KRABD4: variants seen among roughly 807,000 people sequenced by gnomAD.
KRABD4 encodes the protein KRAB domain-containing protein 4.
the KRABD4 span, chrX:46,462,914 G>A: frequency 2.2e-4 from 267 of 1,202,584 alleles, no homozygotes; most frequent in African/African-American, 1.1e-3. Flanking sequence ...AATGCCTCCA[G>A]TACTGTGTTT....
At chrX:46,460,695 C>T in the KRABD4 span, among the ~76,000 whole-genome samples, 2 of 100,104 alleles carry the variant, frequency 2.0e-5, no homozygotes, top group Non-Finnish European at 3.9e-5. Context: ...AGTCTTGGCT[C>T]ACTGCAGGCC....
At chrX:46,450,337 C>T in the KRABD4 span, 6 of 493,142 alleles carry the variant, frequency 1.2e-5, no homozygotes, top group Admixed American at 3.6e-5. Context: ...TTAGATCACT[C>T]TCCCTAGGGT....
chrX:46,462,130 A>G, the KRABD4 span, among the ~76,000 whole-genome samples: 1 of 112,171 alleles, frequency 8.9e-6, no homozygotes, highest in Non-Finnish European at 1.9e-5. Context: ...TGTTTCTCCT[A>G]TAAAGTTCAA....
chrX:46,472,056 C>G, the KRABD4 span: 1 of 111,773 alleles, frequency 8.9e-6, no homozygotes, highest in African/African-American at 3.3e-5. Flanking sequence ...ATTCTGTGTA[C>G]CCTAAGCTAT....
chrX:46,462,194 G>C, the KRABD4 span, among the ~76,000 whole-genome samples: 1 of 112,146 alleles, frequency 8.9e-6, no homozygotes, highest in East Asian at 2.8e-4. Context: ...AAACTGACTA[G>C]TGACTGGCAT....
the KRABD4 span, among the ~76,000 whole-genome samples, chrX:46,453,299 C>A: frequency 1.8e-5 from 2 of 111,752 alleles, no homozygotes; most frequent in Non-Finnish European, 3.8e-5. Flanking sequence ...ACGGTGGCAC[C>A]GTTGAGTCTC....
the KRABD4 span, among the ~76,000 whole-genome samples, chrX:46,463,669 T>C: frequency 1.8e-5 from 2 of 111,949 alleles, no homozygotes; most frequent in Non-Finnish European, 3.8e-5. Flanking sequence ...CCATAGTAGA[T>C]GTATTAATAG....
chrX:46,473,438 G>A, the KRABD4 span: 2 of 1,129,205 alleles, frequency 1.8e-6, no homozygotes, highest in African/African-American at 1.8e-5. Context: ...GTGTCTGTGA[G>A]AAAGCCTTCA....
At chrX:46,462,522 A>G in the KRABD4 span, 11 of 461,822 alleles carry the variant, frequency 2.4e-5, no homozygotes, top group African/African-American at 2.7e-4. Context: ...AAAAAAAAAA[A>G]GAAAGAAAGG....
At chrX:46,464,754 C>T in the KRABD4 span, among the ~76,000 whole-genome samples, 1 of 112,435 alleles carries the variant, frequency 8.9e-6, no homozygotes, top group African/African-American at 3.2e-5. Flanking sequence ...CATTTCAGTG[C>T]TATCCCAGAA....
the KRABD4 span, among the ~76,000 whole-genome samples, chrX:46,451,552 T>A: frequency 8.9e-6 from 1 of 112,298 alleles, no homozygotes; most frequent in Non-Finnish European, 1.9e-5. Flanking sequence ...TCTCTGTATC[T>A]ACTTGCTCTG....
the KRABD4 span, chrX:46,454,265 C>A: frequency 6.7e-6 from 1 of 148,287 alleles, no homozygotes; most frequent in South Asian, 1.8e-4. Context: ...GAATGGAAGT[C>A]TGTAAGGACT....
At chrX:46,462,682 G>T in the KRABD4 span, 7 of 1,210,073 alleles carry the variant, frequency 5.8e-6, no homozygotes, top group Non-Finnish European at 7.8e-6. Context: ...CTCCGTGTGC[G>T]TGAGATGCCA....
the KRABD4 span, among the ~76,000 whole-genome samples, chrX:46,469,353 T>A: frequency 8.9e-6 from 1 of 112,587 alleles, no homozygotes; most frequent in African/African-American, 3.2e-5. Context: ...CTTTTAAATT[T>A]TATTTCAGTA....
the KRABD4 span, among the ~76,000 whole-genome samples, chrX:46,462,289 A>C: frequency 9.0e-6 from 1 of 111,499 alleles, no homozygotes; most frequent in African/African-American, 3.3e-5. Context: ...AGGCGGGCAG[A>C]TCACAAGGTC....
the KRABD4 span, among the ~76,000 whole-genome samples, chrX:46,454,739 C>T: frequency 8.9e-6 from 1 of 111,807 alleles, no homozygotes; most frequent in Non-Finnish European, 1.9e-5. Context: ...GCAGAGGTTG[C>T]AGTGAGCTGA....
the KRABD4 span, among the ~76,000 whole-genome samples, chrX:46,450,063 A>G: frequency 8.9e-6 from 1 of 111,970 alleles, no homozygotes; most frequent in African/African-American, 3.2e-5. Context: ...GGCCGCTTCC[A>G]CATATTAATA....
the KRABD4 span, chrX:46,473,625 C>CT: frequency 4.9e-5 from 17 of 347,681 alleles, no homozygotes; most frequent in Non-Finnish European, 7.3e-5. Context: ...CTGTCCTGCT[C>CT]TTTCCTGCTC....
chrX:46,471,634 TCC>T, the KRABD4 span, among the ~76,000 whole-genome samples: 3 of 112,039 alleles, frequency 2.7e-5, no homozygotes, highest in East Asian at 8.4e-4. Context: ...TGCTTTTTCA[TCC>T]CTTTTTCACT....
Sources: gnomAD v4.1 joint callset for allele counts (sites outside exome capture counted in the v4.1 genomes callset) on GRCh38, gnomAD v4.1.1 for gene constraint, MANE v1.5 for transcripts, NCBI Gene and HGNC (gene_info 2026-07-23, HGNC 2026-07-21) for gene names.